GOLM2: variants seen among roughly 807,000 people sequenced by gnomAD.
The protein encoded by GOLM2 is protein GOLM2.
In GOLM2, 26 loss-of-function variants were observed where a neutral mutation model predicts 55.9. That is an observed-to-expected ratio of 0.47 (90% CI 0.34 to 0.65). GOLM2 has a LOEUF of 0.65. Ranked by LOEUF, GOLM2 falls within the 30% of genes least tolerant of loss-of-function variation. The pLI is 0.01. For synonymous variants in GOLM2, 165 were observed against 194.6 expected (o/e 0.85, Z 1.27); for missense variants, 486 against 531.8 (o/e 0.91, Z 0.85).
Position 44,373,750 on chromosome 15 carries a change from T to A in GOLM2, c.803-5940T>A, listed in dbSNP as rs185144562. Among the ~76,000 whole-genome samples, 4 of 152,184 alleles carry A rather than the reference T, an allele frequency of 2.6e-5. 1 individual carries two copies. Among genetic ancestry groups the A allele is most frequent in the Admixed American group, 2.6e-4 (4 of 15,284 alleles). On this transcript the variant is annotated intron_variant, in intron 6 of 9. Coordinates refer to ENST00000299957, the MANE Select transcript of GOLM2 (RefSeq NM_138423.4). ...ACCTGGCTGACACAGCAAGACTCCATCTTGAAAAAACAAAACAAAACAAAA... is the reference window on the plus strand; with the variant it reads ...ACCTGGCTGACACAGCAAGACTCCAACTTGAAAAAACAAAACAAAACAAAA...
intron 6 of GOLM2, among the ~76,000 whole-genome samples, chr15:44,341,980 G>A (rs2079093416): frequency 6.6e-6 from 1 of 152,102 alleles, no homozygotes; most frequent in Admixed American, 6.6e-5. Context: ...ACAGGCGTGA[G>A]CCACCGCGCC....
intron 2 of GOLM2, among the ~76,000 whole-genome samples, chr15:44,325,395 T>G (rs1476019178): frequency 2.0e-5 from 3 of 152,236 alleles, no homozygotes; most frequent in Non-Finnish European, 4.4e-5. Flanking sequence ...AAAATTTTAT[T>G]TCCTGATAGA....
intron 8 of GOLM2, among the ~76,000 whole-genome samples, chr15:44,391,205 T>TGA (rs1380842627): frequency 6.6e-6 from 1 of 152,010 alleles, no homozygotes; most frequent in Non-Finnish European, 1.5e-5. Flanking sequence ...ACTGGTTCTT[T>TGA]GAAAAGGCAA....
At chr15:44,375,272 G>T (rs2079357230) in intron 6 of GOLM2, among the ~76,000 whole-genome samples, 1 of 152,080 alleles carries the variant, frequency 6.6e-6, no homozygotes, top group Non-Finnish European at 1.5e-5. Context: ...GCCCACCTCA[G>T]CCTCCCAAAG....
chr15:44,302,634 G>A lies in GOLM2; in HGVS notation c.327+13278G>A, dbSNP rs138679961. 5.3e-5 allele frequency among the ~76,000 whole-genome samples: 8 copies of A among 151,740 alleles called. No individual in the cohort carries two copies. In the East Asian group the frequency reaches 1.6e-3, roughly 30 times the overall value. On this transcript the variant is annotated intron_variant, in intron 1 of 9. Coordinates refer to ENST00000299957, the MANE Select transcript of GOLM2 (RefSeq NM_138423.4). Reference sequence around the variant, plus strand: ...GCCTCCCAGGTAGCTGGGACTACAGGTGCACAGTACCACACCCAGCTAATT... The same window carrying A: ...GCCTCCCAGGTAGCTGGGACTACAGATGCACAGTACCACACCCAGCTAATT...
At chr15:44,323,980 GA>G (rs1399205751) in intron 2 of GOLM2, among the ~76,000 whole-genome samples, 1 of 152,116 alleles carries the variant, frequency 6.6e-6, no homozygotes, top group Non-Finnish European at 1.5e-5. Context: ...TTTTCTGTTA[GA>G]AATGCTTTCT....
chr15:44,388,581 G>A (rs903728834), intron 8 of GOLM2, among the ~76,000 whole-genome samples: 2 of 151,822 alleles, frequency 1.3e-5, no homozygotes. Flanking sequence ...GGCTGAGTTA[G>A]CAGGATTCTT....
chr15:44,388,629 G>T lies in GOLM2; in HGVS notation c.1072+7653G>T, dbSNP rs932583080. Among the ~76,000 whole-genome samples, 3 of 152,184 alleles carry T rather than the reference G, an allele frequency of 2.0e-5. No homozygotes were observed. The South Asian group carries it at 6.2e-4, about 32-fold the overall frequency. On this transcript the variant is annotated intron_variant, in intron 8 of 9. Transcript: ENST00000299957. ...TTAGAGGCTGCAGTAAGCCATGATC[G>T]TGCCACTGCACTCCAGCCTGGGCAA...
At chr15:44,337,255 T>C (rs1039274434) in intron 4 of GOLM2, among the ~76,000 whole-genome samples, 1 of 152,016 alleles carries the variant, frequency 6.6e-6, no homozygotes, top group African/African-American at 2.4e-5. Context: ...GACCTGTTTA[T>C]TGTCCTGCCA....
At chr15:44,388,512 A>G (rs2079464039) in intron 8 of GOLM2, among the ~76,000 whole-genome samples, 1 of 152,120 alleles carries the variant, frequency 6.6e-6, no homozygotes, top group South Asian at 2.1e-4. Context: ...CGTCTCTACA[A>G]AAGATACAAA....
intron 6 of GOLM2, among the ~76,000 whole-genome samples, chr15:44,356,760 T>G (rs1244033452): frequency 6.6e-6 from 1 of 152,202 alleles, no homozygotes; most frequent in East Asian, 1.9e-4. Flanking sequence ...AAGACACTAC[T>G]ACAGACCAAT....
chr15:44,340,290 C>T (rs2079082763), intron 6 of GOLM2, among the ~76,000 whole-genome samples: 1 of 151,654 alleles, frequency 6.6e-6, no homozygotes, highest in African/African-American at 2.4e-5. Flanking sequence ...ATATTTTTTT[C>T]AGAGACAGGG....
chr15:44,340,456 C>T (rs2141148772), intron 6 of GOLM2, among the ~76,000 whole-genome samples: 1 of 152,182 alleles, frequency 6.6e-6, no homozygotes, highest in South Asian at 2.1e-4. Context: ...GACGGTGCCT[C>T]ACTGTTGCCC....
chr15:44,365,045 A>C (rs1195438160), intron 6 of GOLM2, among the ~76,000 whole-genome samples: 3 of 152,204 alleles, frequency 2.0e-5, no homozygotes, highest in Admixed American at 1.3e-4. Flanking sequence ...GGTATCTATC[A>C]AAAAGAGTTA....
chr15:44,389,454 G>C (rs916397997), intron 8 of GOLM2, among the ~76,000 whole-genome samples: 1 of 152,038 alleles, frequency 6.6e-6, no homozygotes. Flanking sequence ...CTTCAATCTG[G>C]GAAGCAGAGG....
Position 44,350,309 on chromosome 15 carries a change from G to C in GOLM2, c.802+11992G>C, listed in dbSNP as rs991308078. On this transcript the variant is annotated intron_variant, in intron 6 of 9. Coordinates refer to ENST00000299957, the MANE Select transcript of GOLM2 (RefSeq NM_138423.4). ...AGGAGATATTGCAATAGATACTGCA[G>C]AAATTCAAAGGATCACTAGAGGGTA... Among the ~76,000 whole-genome samples the C allele has an allele frequency of 2.0e-5, 3 of 152,240 alleles. No homozygotes were observed. In the South Asian group the frequency reaches 6.2e-4, roughly 32 times the overall value.
At chr15:44,316,481 C>T (rs1420100787) in intron 1 of GOLM2, among the ~76,000 whole-genome samples, 4 of 152,136 alleles carry the variant, frequency 2.6e-5, no homozygotes, top group South Asian at 2.1e-4. Context: ...GCTGGCCCGG[C>T]GCGGTGGCTC....
intron 1 of GOLM2, among the ~76,000 whole-genome samples, chr15:44,293,212 A>G (rs2078733609): frequency 1.3e-5 from 2 of 152,244 alleles, no homozygotes; most frequent in South Asian, 2.1e-4. Flanking sequence ...GTGAGCTACC[A>G]TACCTGGCCA....
chr15:44,336,495 G>A (rs567376552), intron 4 of GOLM2, among the ~76,000 whole-genome samples: 2 of 152,334 alleles, frequency 1.3e-5, no homozygotes, highest in East Asian at 3.9e-4. Flanking sequence ...GGACAGCTAT[G>A]AAGGCAATTT....
Sources: allele counts gnomAD v4.1 joint callset (sites outside exome capture counted in the v4.1 genomes callset), GRCh38; gene constraint gnomAD v4.1.1; transcripts MANE v1.5; gene names NCBI Gene and HGNC (gene_info 2026-07-23, HGNC 2026-07-21).